ZHX1: variants seen among roughly 807,000 people sequenced by gnomAD.
ZHX1 encodes zinc fingers and homeoboxes 1.
Under a neutral mutation model 61.8 loss-of-function variants are expected in ZHX1, and 20 were observed. That is an observed-to-expected ratio of 0.32 (90% CI 0.23 to 0.47). The LOEUF (loss-of-function observed/expected upper bound fraction) is 0.47. Among genes scored for constraint, ZHX1 ranks in the 20% least tolerant of loss-of-function variants. The probability of loss-of-function intolerance (pLI) is 1.00; values close to 1 mark genes in which losing one functional copy is unlikely to be tolerated. For missense variants in ZHX1, 800 were observed against 1,034.8 expected (o/e 0.77, Z 3.11); for synonymous variants, 318 against 352.6 (o/e 0.90, Z 1.10).
intron 3 of ZHX1, among the ~76,000 whole-genome samples, chr8:123,250,671 C>A (rs1825892334): frequency 6.6e-6 from 1 of 152,120 alleles, no homozygotes; most frequent in Non-Finnish European, 1.5e-5. Context: ...TATATATGTA[C>A]CTCACTTCCT....
chr8:123,257,409 G>C (rs529888261), intron 2 of ZHX1, among the ~76,000 whole-genome samples: 1 of 152,196 alleles, frequency 6.6e-6, no homozygotes, highest in East Asian at 1.9e-4. Context: ...TTATGCTTTA[G>C]GTATACCAGA....
chr8:123,271,902 T>C (rs1826666525), intron 1 of ZHX1, among the ~76,000 whole-genome samples: 1 of 152,240 alleles, frequency 6.6e-6, no homozygotes, highest in African/African-American at 2.4e-5. Flanking sequence ...AATCCACTAA[T>C]GAGTGTTCAC....
At position 123,255,185 on chromosome 8, in the gene ZHX1, T is replaced by C. The variant is rs747515531; in HGVS notation, c.762A>G (p.Ala254=). 6 of 1,614,192 alleles carry C rather than the reference T, an allele frequency of 3.7e-6. No homozygotes were observed. The highest frequency in any genetic ancestry group is 1.7e-6 in the Non-Finnish European group (2 of 1,180,012). The part of the protein sequence containing the change: ...PSTASTVVTP[A]AVLPGLAQVI... Reference sequence around the variant, plus strand: ...CCTGTGCCAATCCAGGAAGAACTGCTGCTGGTGTCACTACCGTGCTGGCAG... The same window carrying C: ...CCTGTGCCAATCCAGGAAGAACTGCCGCTGGTGTCACTACCGTGCTGGCAG... The change falls in exon 3 of 4, where the codon GCA becomes GCG. Residue 254 remains alanine (A), a synonymous_variant. Transcript: ENST00000395571.
In ZHX1 at chr8:123,255,856, C is replaced by G. The variant is rs770997426; in HGVS notation, c.91G>C (p.Gly31Arg). The change falls in exon 3 of 4, where the codon GGT becomes CGT. Residue 31 changes from glycine (G) to arginine (R), a missense_variant. Physicochemically the swap from Gly to Arg is moderately radical, Grantham distance 125. Transcript: ENST00000395571. ...DLELISDLDE[G>R]PPVLTPVENT... ...TCTACAGGTGTAAGCACAGGAGGAC[C>G]TTCATCCAAATCTGATATCAACTCA... is the stretch of plus-strand genomic sequence containing the variant. 1 of 1,614,182 alleles carries G rather than the reference C, an allele frequency of 6.2e-7. No individual in the cohort carries two copies. Among genetic ancestry groups the G allele is most frequent in the South Asian group, 1.1e-5 (1 of 91,076 alleles).
intron 2 of ZHX1, among the ~76,000 whole-genome samples, chr8:123,259,768 T>C (rs538083827): frequency 3.9e-4 from 60 of 152,348 alleles, no homozygotes; most frequent in Non-Finnish European, 7.2e-4. Context: ...TCTGAAACTT[T>C]TTCCTCAAAG....
chr8:123,265,087 G>A (rs1323354647), intron 2 of ZHX1, among the ~76,000 whole-genome samples: 3 of 150,808 alleles, frequency 2.0e-5, no homozygotes, highest in Non-Finnish European at 3.0e-5. Flanking sequence ...TACTCGGGAG[G>A]TTGAGGCAGG....
intron 1 of ZHX1, among the ~76,000 whole-genome samples, chr8:123,272,446 G>C (rs1826687067): frequency 6.6e-6 from 1 of 152,162 alleles, no homozygotes; most frequent in Non-Finnish European, 1.5e-5. Flanking sequence ...TTTATGTCCT[G>C]TTACCGCATT....
chr8:123,261,781 A>G (rs1826277777), intron 2 of ZHX1, among the ~76,000 whole-genome samples: 1 of 152,236 alleles, frequency 6.6e-6, no homozygotes, highest in African/African-American at 2.4e-5. Context: ...CTTTCCAGAA[A>G]AAAATAACAT....
At chr8:123,274,419 A>G (rs1259975356), upstream of ZHX1, 1 of 151,738 alleles carries the variant, frequency 6.6e-6, no homozygotes, top group Non-Finnish European at 1.5e-5. Flanking sequence ...CGCGCGCCCC[A>G]GCGGCCGTCC....
rs1281227537 is a variant in ZHX1 at position 123,255,003 on chromosome 8, G to A, written c.944C>T (p.Thr315Ile). 6.2e-7 allele frequency: 1 copy of A among 1,614,162 alleles called. No homozygotes were observed. Among genetic ancestry groups the A allele is most frequent in the Non-Finnish European group, 8.5e-7 (1 of 1,180,032 alleles). ...KFPYPTMSEI[T>I]VLSAQAKYTE... is the part of the protein sequence containing the mutation. ...ATATTTTGCTTGAGCAGAAAGAACT[G>A]TAATTTCTGACATTGTTGGGTAAGG... The change falls in exon 3 of 4, where the codon ACA (threonine) becomes ATA (isoleucine). Residue 315 changes from threonine (T) to isoleucine (I), a missense_variant. Coordinates refer to ENST00000395571, the MANE Select transcript of ZHX1 (RefSeq NM_007222.5).
intron 2 of ZHX1, among the ~76,000 whole-genome samples, chr8:123,264,882 T>C (rs1482782020): frequency 6.7e-6 from 1 of 148,280 alleles, no homozygotes; most frequent in Non-Finnish European, 1.5e-5. Context: ...TTTACAACAA[T>C]TCTGGGTCAA....
intron 2 of ZHX1, among the ~76,000 whole-genome samples, chr8:123,266,518 G>A (rs1049748717): frequency 6.6e-6 from 1 of 152,034 alleles, no homozygotes; most frequent in African/African-American, 2.4e-5. Context: ...ATCTTTCCTA[G>A]TATTTTCTGG....
intron 2 of ZHX1, 39 bp downstream of exon 2, chr8:123,267,234 T>C (rs1826487716): frequency 6.6e-7 from 1 of 1,524,036 alleles, no homozygotes; most frequent in East Asian, 2.5e-5. Context: ...GTACATTCAG[T>C]ATCTGAGTTT....
chr8:123,266,682 G>A (rs1333501060), intron 2 of ZHX1, among the ~76,000 whole-genome samples: 1 of 152,022 alleles, frequency 6.6e-6, no homozygotes, highest in African/African-American at 2.4e-5. Flanking sequence ...CAAGGTTTGA[G>A]AAAGGCACAT....
intron 3 of ZHX1, among the ~76,000 whole-genome samples, chr8:123,251,930 G>A (rs933848669): frequency 6.6e-6 from 1 of 152,136 alleles, no homozygotes; most frequent in Non-Finnish European, 1.5e-5. Context: ...TTGCCAAGCA[G>A]TAAGAATAGT....
intron 2 of ZHX1, among the ~76,000 whole-genome samples, chr8:123,262,232 C>A (rs767766383): frequency 1.2e-4 from 19 of 152,094 alleles, no homozygotes; most frequent in African/African-American, 4.1e-4. Context: ...CTTTTCAGTA[C>A]GGGAAGTGTT....
upstream of ZHX1, among the ~76,000 whole-genome samples, chr8:123,274,890 C>T (rs1333821022): frequency 6.6e-6 from 1 of 152,056 alleles, no homozygotes; most frequent in Non-Finnish European, 1.5e-5. Flanking sequence ...CCTGGGGCGA[C>T]ACGACCCAGG....
chr8:123,274,716 C>T (rs561062502), upstream of ZHX1, among the ~76,000 whole-genome samples: 1 of 152,062 alleles, frequency 6.6e-6, no homozygotes, highest in Non-Finnish European at 1.5e-5. Context: ...CCTTTGCCTG[C>T]GACCGCTCCG....
Position 123,255,871 on chromosome 8 carries a change from A to T in ZHX1, c.76T>A (p.Ser26Thr), listed in dbSNP as rs765258778. ...SEQDPDLELI[S>T]DLDEGPPVLT... ...ACAGGAGGACCTTCATCCAAATCTG[A>T]TATCAACTCAAGGTCTGGATCTTGT... Residue 26 changes from serine to threonine, a missense_variant, in exon 3 of 4, where the codon TCA (serine) becomes ACA (threonine). Coordinates refer to ENST00000395571, the MANE Select transcript of ZHX1 (RefSeq NM_007222.5). 6 of 1,614,178 alleles carry T rather than the reference A, an allele frequency of 3.7e-6. No individual in the cohort carries two copies. The highest frequency in any genetic ancestry group is 5.1e-6 in the Non-Finnish European group (6 of 1,180,018).
Sources: gnomAD v4.1 joint callset for allele counts (sites outside exome capture counted in the v4.1 genomes callset) on GRCh38, gnomAD v4.1.1 for gene constraint, MANE v1.5 for transcripts, NCBI Gene and HGNC (gene_info 2026-07-23, HGNC 2026-07-21) for gene names.